MLLT1: variants seen among roughly 807,000 people sequenced by gnomAD.
The protein encoded by MLLT1 is protein ENL.
In MLLT1, 11 loss-of-function variants were observed where a neutral mutation model predicts 55.1. The observed-to-expected ratio is 0.20, with a 90% CI of 0.13 to 0.33. The LOEUF is 0.33. Among genes scored for constraint, MLLT1 ranks in the 10% least tolerant of loss-of-function variants. The probability of loss-of-function intolerance (pLI) is 1.00; values close to 1 mark genes in which losing one functional copy is unlikely to be tolerated. For synonymous variants in MLLT1, 323 were observed against 320.1 expected (o/e 1.01, Z -0.10); for missense variants, 536 against 760.6 (o/e 0.70, Z 3.47).
At chr19:6,237,093 G>C (rs1174456842) in intron 3 of MLLT1, among the ~76,000 whole-genome samples, 2 of 152,268 alleles carry the variant, frequency 1.3e-5, no homozygotes, top group Non-Finnish European at 2.9e-5. Context: ...GGGGAGTCCA[G>C]GCAGCGAGCC....
chr19:6,272,371 CCA>C (rs2091402498), intron 1 of MLLT1, among the ~76,000 whole-genome samples: 1 of 152,182 alleles, frequency 6.6e-6, no homozygotes. Context: ...ACAGCCAGCC[CCA>C]GACACACCAG....
At chr19:6,214,576 G>C (rs1456692606) in intron 8 of MLLT1, among the ~76,000 whole-genome samples, 1 of 152,134 alleles carries the variant, frequency 6.6e-6, no homozygotes, top group Non-Finnish European at 1.5e-5. Flanking sequence ...AGAGGTCCAA[G>C]CTCTCAACCT....
rs35294934 is a variant in MLLT1 at position 6,262,047 on chromosome 19, G to A, written c.276+181C>T. ...CCCACCTGCTGTCATGAAACCAGCC[G>A]TGTCCTGGCCCCCGACGTCCCCAGG... is the stretch of plus-strand genomic sequence containing the variant. On this transcript the variant is annotated intron_variant, in intron 3 of 11. Transcript: ENST00000252674. This position sits in a 1 kb window ranked among gnomAD's most constrained non-coding sequence, Gnocchi z 4.4. Among the ~76,000 whole-genome samples the A allele has an allele frequency of 0.2, 29,806 of 152,086 alleles. 3,876 individuals carry two copies. The highest frequency in any genetic ancestry group is 0.3 in the Non-Finnish European group (20,289 of 67,948).
chr19:6,272,775 G>A (rs772257274), intron 1 of MLLT1, among the ~76,000 whole-genome samples: 6 of 152,224 alleles, frequency 3.9e-5, no homozygotes, highest in African/African-American at 9.6e-5. Flanking sequence ...AGACGGCAGG[G>A]CCATGGTGGC....
At chr19:6,266,447 T>C (rs931810305) in intron 2 of MLLT1, among the ~76,000 whole-genome samples, 7 of 152,126 alleles carry the variant, frequency 4.6e-5, no homozygotes, top group Admixed American at 3.9e-4. Context: ...CCACGTCTTA[T>C]AAATTTTTTT....
At chr19:6,259,799 T>TTAAAAAAAA (rs2091287402) in intron 3 of MLLT1, 1 of 70,138 alleles carries the variant, frequency 1.4e-5, no homozygotes, top group East Asian at 3.5e-4. Flanking sequence ...AAACATGACT[T>TTAAAAAAAA]AAAAAAAAAA....
At chr19:6,278,893 G>A (rs2091442219) in intron 1 of MLLT1, among the ~76,000 whole-genome samples, 1 of 152,162 alleles carries the variant, frequency 6.6e-6, no homozygotes, top group South Asian at 2.1e-4. Context: ...GGCAGGGTGG[G>A]TCAAAGAAAG....
intron 7 of MLLT1, among the ~76,000 whole-genome samples, chr19:6,217,595 G>T: frequency 6.6e-6 from 1 of 152,248 alleles, no homozygotes. Context: ...TGGCCCTGGG[G>T]AGCGGGTGGG....
intron 1 of MLLT1, among the ~76,000 whole-genome samples, chr19:6,277,343 A>C (rs868017095): frequency 1.3e-5 from 2 of 152,300 alleles, no homozygotes; most frequent in Middle Eastern, 3.4e-3. Context: ...AAGGAGGGAG[A>C]CCATCACCAT....
chr19:6,246,988 C>A (rs4807071), intron 3 of MLLT1, among the ~76,000 whole-genome samples: 2 of 152,044 alleles, frequency 1.3e-5, no homozygotes, highest in African/African-American at 2.4e-5. Flanking sequence ...AACTACTTTC[C>A]GGGTATCCTG....
chr19:6,225,660 C>T (rs1288251597), intron 5 of MLLT1, among the ~76,000 whole-genome samples: 1 of 152,170 alleles, frequency 6.6e-6, no homozygotes, highest in Admixed American at 6.5e-5. Context: ...GGGTGGAGCC[C>T]ACAGGCCTCC....
intron 3 of MLLT1, among the ~76,000 whole-genome samples, chr19:6,242,627 C>T (rs574242683): frequency 9.0e-4 from 137 of 152,338 alleles, no homozygotes; most frequent in African/African-American, 3.2e-3. Flanking sequence ...TTCTCTCCTG[C>T]TCTCAGGACG....
chr19:6,230,006 C>T lies in MLLT1; in HGVS notation c.420+564G>A, dbSNP rs1314296910. 2.0e-5 allele frequency among the ~76,000 whole-genome samples: 3 copies of T among 152,204 alleles called. No individual in the cohort carries two copies. Among genetic ancestry groups the T allele is most frequent in the East Asian group, 1.9e-4 (1 of 5,176 alleles). On this transcript the variant is annotated intron_variant, in intron 4 of 11. Transcript: ENST00000252674. This position sits in a 1 kb window ranked among gnomAD's most constrained non-coding sequence, Gnocchi z 9.0. ...CTCAGCCTGCACGTCCCTCCCTCCACGCCCCCCTCCTCCATAACCACCACC... is the reference window on the plus strand; with the variant it reads ...CTCAGCCTGCACGTCCCTCCCTCCATGCCCCCCTCCTCCATAACCACCACC...
At chr19:6,241,821 G>T (rs1031980553) in intron 3 of MLLT1, among the ~76,000 whole-genome samples, 8 of 152,240 alleles carry the variant, frequency 5.3e-5, no homozygotes, top group African/African-American at 1.9e-4. Flanking sequence ...GTCACAACGC[G>T]GCAGCTCGGC....
At position 6,235,046 on chromosome 19, in the gene MLLT1, G is replaced by A. The variant is rs2091046781; in HGVS notation, c.277-4333C>T. Reference sequence around the variant, plus strand: ...GTCCTGGTAGCACTGTCTTGTTAGAGGCCCCTTTTGAAATATTTACACATG... The same window carrying A: ...GTCCTGGTAGCACTGTCTTGTTAGAAGCCCCTTTTGAAATATTTACACATG... On this transcript the variant is annotated intron_variant, in intron 3 of 11. Coordinates refer to ENST00000252674, the MANE Select transcript of MLLT1 (RefSeq NM_005934.4). The surrounding 1 kb of genome is among the most constrained non-coding windows in gnomAD (Gnocchi z 5.5). Among the ~76,000 whole-genome samples, 1 of 152,196 alleles carries A rather than the reference G, an allele frequency of 6.6e-6. No individual in the cohort carries two copies. The highest frequency in any genetic ancestry group is 1.5e-5 in the Non-Finnish European group (1 of 68,040).
At chr19:6,220,688 G>A (rs1334836565) in intron 6 of MLLT1, among the ~76,000 whole-genome samples, 2 of 152,214 alleles carry the variant, frequency 1.3e-5, no homozygotes, top group African/African-American at 4.8e-5. Flanking sequence ...AGAAGACCTC[G>A]CCTGGAGATG....
At chr19:6,261,579 C>A (rs2091306219) in intron 3 of MLLT1, among the ~76,000 whole-genome samples, 2 of 151,624 alleles carry the variant, frequency 1.3e-5, no homozygotes, top group African/African-American at 4.8e-5. Flanking sequence ...TCACCGCTGG[C>A]CCTGTGGTGA....
chr19:6,239,072 G>GT (rs1370564704), intron 3 of MLLT1, among the ~76,000 whole-genome samples: 40 of 152,330 alleles, frequency 2.6e-4, no homozygotes, highest in Non-Finnish European at 2.2e-4. Flanking sequence ...CACAGAACCA[G>GT]TAAGTGCCAA....
intron 3 of MLLT1, among the ~76,000 whole-genome samples, chr19:6,253,543 G>A (rs1373073291): frequency 6.6e-6 from 1 of 152,046 alleles, no homozygotes; most frequent in Non-Finnish European, 1.5e-5. Context: ...ACACAGCAAT[G>A]TTCCTTATGA....
Sources: gnomAD v4.1 joint callset for allele counts (sites outside exome capture counted in the v4.1 genomes callset) on GRCh38, gnomAD v4.1.1 for gene constraint, Gnocchi (gnomAD v3.1) non-coding constraint, MANE v1.5 for transcripts, NCBI Gene and HGNC (gene_info 2026-07-23, HGNC 2026-07-21) for gene names.